Variants in ARHGAP29 observed in about 807,000 individuals in gnomAD.
ARHGAP29 encodes Rho GTPase activating protein 29.
A neutral mutation model predicts 122.6 loss-of-function variants in ARHGAP29; 43 were observed. That is an observed-to-expected ratio of 0.35 (90% CI 0.27 to 0.45). The LOEUF (loss-of-function observed/expected upper bound fraction) is 0.45, where lower values mean the gene tolerates loss of function less well. Among genes scored for constraint, ARHGAP29 ranks in the 20% least tolerant of loss-of-function variants. The pLI is 1.00. For synonymous variants in ARHGAP29, 506 were observed against 497.1 expected (o/e 1.02, Z -0.24); for missense variants, 1,303 against 1,477.2 (o/e 0.88, Z 1.93).
the ARHGAP29 span, chr1:94,302,817 A>G: frequency 4.1e-6 from 1 of 245,646 alleles, no homozygotes; most frequent in South Asian, 4.1e-5. Flanking sequence ...GCGGCATCGG[A>G]GGGGGCCATC....
chr1:94,243,871 A>C (rs1570597017), intron 1 of ARHGAP29, among the ~76,000 whole-genome samples: 2 of 151,170 alleles, frequency 1.3e-5, no homozygotes, highest in Non-Finnish European at 3.0e-5. Context: ...AGACACAAGG[A>C]TAAAAGGATA....
chr1:94,193,276 A>T (rs1030499695), intron 12 of ARHGAP29: 1 of 151,750 alleles, frequency 6.6e-6, no homozygotes, highest in Non-Finnish European at 1.5e-5. Context: ...AGCTTTGGGG[A>T]AAAAACAGAG....
At chr1:94,290,737 G>T in the ARHGAP29 span, among the ~76,000 whole-genome samples, 2 of 152,218 alleles carry the variant, frequency 1.3e-5, no homozygotes, top group African/African-American at 4.8e-5. Flanking sequence ...GCAGTTTTGA[G>T]TGAGTTTCTT....
intron 13 of ARHGAP29, 110 bp downstream of exon 13, chr1:94,189,815 GA>G: frequency 5.7e-6 from 6 of 1,058,572 alleles, no homozygotes; most frequent in Non-Finnish European, 8.1e-6. Flanking sequence ...AAAGAACTCA[GA>G]AAATTTTTAA....
the ARHGAP29 span, among the ~76,000 whole-genome samples, chr1:94,298,119 G>A: frequency 4.6e-5 from 7 of 152,092 alleles, no homozygotes; most frequent in Non-Finnish European, 1.0e-4. Context: ...AATACTTGTC[G>A]TTCTTGTAGA....
intron 14 of ARHGAP29, 93 bp from the exon 15 acceptor site, chr1:94,189,034 C>CT: frequency 7.1e-7 from 1 of 1,406,086 alleles, no homozygotes; most frequent in South Asian, 1.3e-5. Flanking sequence ...ATTCAAATTT[C>CT]TTTAACAATA....
intron 2 of ARHGAP29, among the ~76,000 whole-genome samples, chr1:94,221,657 G>GT (rs1248956735): frequency 6.7e-6 from 1 of 150,168 alleles, no homozygotes; most frequent in Non-Finnish European, 1.5e-5. Flanking sequence ...ACATACAAAT[G>GT]TATGTGCACA....
chr1:94,244,426 C>T (rs1324958003), intron 1 of ARHGAP29, among the ~76,000 whole-genome samples: 1 of 151,874 alleles, frequency 6.6e-6, no homozygotes, highest in South Asian at 2.1e-4. Context: ...ATTCCATGGC[C>T]ATTCATGATT....
At chr1:94,309,968 G>C in the ARHGAP29 span, among the ~76,000 whole-genome samples, 43 of 152,186 alleles carry the variant, frequency 2.8e-4, 2 homozygotes, top group South Asian at 8.9e-3. Flanking sequence ...TGTGGTTGCT[G>C]AATAAATAAA....
the ARHGAP29 span, among the ~76,000 whole-genome samples, chr1:94,294,444 G>T: frequency 6.6e-6 from 1 of 152,052 alleles, no homozygotes; most frequent in Non-Finnish European, 1.5e-5. Flanking sequence ...CATAGCACCT[G>T]GCTAACTTTT....
At chr1:94,212,804 CT>C (rs1265303375) in intron 3 of ARHGAP29, among the ~76,000 whole-genome samples, 1 of 152,088 alleles carries the variant, frequency 6.6e-6, no homozygotes, top group Non-Finnish European at 1.5e-5. Flanking sequence ...ATATAATTCT[CT>C]TTTTTGTCCT....
chr1:94,294,131 C>CTG, the ARHGAP29 span, among the ~76,000 whole-genome samples: 1 of 152,054 alleles, frequency 6.6e-6, no homozygotes, highest in African/African-American at 2.4e-5. Flanking sequence ...ATCACAGGTG[C>CTG]TGTTCAATAA....
the ARHGAP29 span, among the ~76,000 whole-genome samples, chr1:94,291,523 A>G: frequency 6.6e-6 from 1 of 152,032 alleles, no homozygotes; most frequent in African/African-American, 2.4e-5. Flanking sequence ...TCACCTGTTA[A>G]TTGATATAGT....
At chr1:94,212,306 A>AT (rs1301942354) in intron 3 of ARHGAP29, among the ~76,000 whole-genome samples, 5 of 152,142 alleles carry the variant, frequency 3.3e-5, no homozygotes, top group African/African-American at 1.2e-4. Context: ...AAAAAACAAC[A>AT]TATCAAGATT....
chr1:94,299,167 T>C, the ARHGAP29 span, among the ~76,000 whole-genome samples: 6 of 152,294 alleles, frequency 3.9e-5, no homozygotes, highest in South Asian at 1.2e-3. Flanking sequence ...GCAAGTAAAA[T>C]CCAAAGCTTA....
chr1:94,195,663 C>T (rs935079873), intron 12 of ARHGAP29: 1 of 151,708 alleles, frequency 6.6e-6, no homozygotes, highest in Non-Finnish European at 1.5e-5. Context: ...CATATATTTA[C>T]CTTAAATATA....
the ARHGAP29 span, among the ~76,000 whole-genome samples, chr1:94,280,077 C>A: frequency 1.2e-5 from 1 of 84,394 alleles, no homozygotes; most frequent in Non-Finnish European, 2.5e-5. Context: ...ATATATATAA[C>A]ATAATATTTA....
the ARHGAP29 span, among the ~76,000 whole-genome samples, chr1:94,300,400 T>TGA: frequency 1.3e-5 from 2 of 152,296 alleles, no homozygotes; most frequent in South Asian, 4.1e-4. Context: ...TCCTGGTGGG[T>TGA]GAATCACTTG....
intron 18 of ARHGAP29, 139 bp downstream of exon 18, chr1:94,184,733 A>C: frequency 1.4e-6 from 1 of 701,606 alleles, no homozygotes; most frequent in Non-Finnish European, 2.2e-6. Context: ...CAGCCTGGGC[A>C]ACAGAGTGAG....
Sources: allele counts gnomAD v4.1 joint callset (sites outside exome capture counted in the v4.1 genomes callset), GRCh38; gene constraint gnomAD v4.1.1; transcripts MANE v1.5; gene names NCBI Gene and HGNC (gene_info 2026-07-23, HGNC 2026-07-21).